MYLK: variants seen among roughly 807,000 people sequenced by gnomAD.
MYLK encodes the protein myosin light chain kinase, also known as myosin light chain kinase, smooth muscle.
MYLK carries 106 observed loss-of-function variants against 203.4 expected under a neutral mutation model. The ratio of observed to expected loss-of-function variants is 0.52; its 90% CI spans 0.45 to 0.61. The LOEUF is 0.61. MYLK is among the 20% of genes least tolerant of loss of function. MYLK has a pLI of 0.00. For synonymous variants in MYLK, 867 were observed against 959.5 expected (o/e 0.90, Z 1.78); for missense variants, 2,072 against 2,442.3 (o/e 0.85, Z 3.20).
At chr3:123,693,935 T>C (rs1263965106) in intron 18 of MYLK, among the ~76,000 whole-genome samples, 3 of 152,204 alleles carry the variant, frequency 2.0e-5, no homozygotes, top group African/African-American at 7.2e-5. Context: ...CTTTGCTGCC[T>C]GGAGCTCCCA....
intron 2 of MYLK, among the ~76,000 whole-genome samples, chr3:123,876,202 C>A (rs1057364432): frequency 3.3e-5 from 5 of 151,500 alleles, no homozygotes; most frequent in Admixed American, 1.3e-4. Flanking sequence ...TTTAAAAAAA[C>A]TATACATTAT....
intron 4 of MYLK, among the ~76,000 whole-genome samples, chr3:123,760,885 C>T (rs558947975): frequency 6.6e-6 from 1 of 152,188 alleles, no homozygotes; most frequent in Non-Finnish European, 1.5e-5. Context: ...CATTTTAAAA[C>T]AAATATCCAG....
At chr3:123,626,719 C>T in intron 31 of MYLK, 99 bp downstream of exon 31, 1 of 1,574,394 alleles carries the variant, frequency 6.4e-7, no homozygotes, top group Non-Finnish European at 8.7e-7. Context: ...TAAATTTAAA[C>T]TTTCTTGGTG....
intron 2 of MYLK, among the ~76,000 whole-genome samples, chr3:123,833,943 CAACACTGGAAAATTGTCCACTG>C (rs1344746630): frequency 6.6e-6 from 1 of 152,184 alleles, no homozygotes; most frequent in African/African-American, 2.4e-5. Flanking sequence ...GAGGACTGAA[CAACACTGGAAAATTGTCCACTG>C]AACAATGGAC....
intron 20 of MYLK, among the ~76,000 whole-genome samples, chr3:123,670,160 T>G (rs2059870283): frequency 6.6e-6 from 1 of 152,140 alleles, no homozygotes; most frequent in African/African-American, 2.4e-5. Flanking sequence ...TCAAATTATT[T>G]CAAGATAAAA....
At position 123,664,179 on chromosome 3, in the gene MYLK, T is replaced by A. The variant is rs748330354; in HGVS notation, c.3911A>T (p.His1304Leu). The change falls in exon 23 of 34, where the codon CAC becomes CTC. Residue 1304 changes from histidine to leucine, a missense_variant. Coordinates refer to ENST00000360304, the MANE Select transcript of MYLK (RefSeq NM_053025.4). ...CACCAGCAGTGTGTAGCAGCCGCAG[T>A]GCTCCTGGCGCGCGGCCAGGATGGT... ...KLTILAARQE[H>L]CGCYTLLVEN... is the part of the protein sequence containing the mutation. 12 of 1,614,046 alleles carry A rather than the reference T, an allele frequency of 7.4e-6. No individual in the cohort carries two copies. The Admixed American group carries it at 2.0e-4, about 27-fold the overall frequency.
At chr3:123,681,236 T>C (rs1310166579) in intron 20 of MYLK, 3 of 152,156 alleles carry the variant, frequency 2.0e-5, no homozygotes, top group Non-Finnish European at 4.4e-5. Flanking sequence ...CTAATGGATG[T>C]GTGGGCTACG....
At position 123,725,938 on chromosome 3, in the gene MYLK, A is replaced by T. The variant is rs820329; in HGVS notation, c.1651+6T>A. 0.21 allele frequency: 334,980 copies of T among 1,613,104 alleles called. 38,752 individuals carry two copies. The highest frequency in any genetic ancestry group is 0.24 in the Non-Finnish European group (283,098 of 1,179,280). On this transcript the variant is annotated splice_donor_region_variant and intron_variant, in intron 12 of 33. Coordinates refer to ENST00000360304, the MANE Select transcript of MYLK (RefSeq NM_053025.4). The stretch of plus-strand genomic sequence containing the variant: ...GGAGCAGAGAGCTGGGGCAGGGGGA[A>T]CTCACCATTCAGCAGCCAAGTGATC...
intron 4 of MYLK, among the ~76,000 whole-genome samples, chr3:123,780,978 G>A (rs185694578): frequency 6.6e-6 from 1 of 152,294 alleles, no homozygotes; most frequent in East Asian, 1.9e-4. Context: ...AAAGTGGGAT[G>A]GGCTCCCTGG....
At chr3:123,805,176 G>A (rs62262911) in intron 3 of MYLK, among the ~76,000 whole-genome samples, 5,738 of 152,214 alleles carry the variant, frequency 0.038, 155 homozygotes, top group Non-Finnish European at 0.061. Context: ...ATCCTTCCCC[G>A]TGTGACACAG....
chr3:123,744,217 T>C (rs1323521190), intron 5 of MYLK, among the ~76,000 whole-genome samples: 1 of 152,234 alleles, frequency 6.6e-6, no homozygotes, highest in East Asian at 1.9e-4. Context: ...AAGTGAATTA[T>C]AAAAATATGG....
chr3:123,780,293 G>T (rs553572069), intron 4 of MYLK, among the ~76,000 whole-genome samples: 1 of 152,122 alleles, frequency 6.6e-6, no homozygotes, highest in East Asian at 1.9e-4. Context: ...AATTAGCCCG[G>T]CATGGTGGCA....
chr3:123,870,530 C>A (rs185676643), intron 2 of MYLK, among the ~76,000 whole-genome samples: 1 of 152,344 alleles, frequency 6.6e-6, no homozygotes, highest in East Asian at 1.9e-4. Context: ...GAAACAAAGA[C>A]AGGGCCAGCA....
At position 123,793,706 on chromosome 3, in the gene MYLK, C is replaced by G. The variant is rs781555652; in HGVS notation, c.136G>C (p.Glu46Gln). ...ILPPRNLCIK[E>Q]GATAKFEGRV... ...CCTTCGAACTTGGCGGTGGCTCCTT[C>G]TTTGATGCAGAGGTTCCGAGGGGGC... Residue 46 changes from glutamate to glutamine, a missense_variant, in exon 4 of 34, where the codon GAA becomes CAA. Glu to Gln is a conservative substitution (Grantham distance 29, BLOSUM62 2). Transcript: ENST00000360304. The G allele has an allele frequency of 1.2e-6, 2 of 1,614,150 alleles. No individual in the cohort carries two copies. Among genetic ancestry groups the G allele is most frequent in the South Asian group, 2.2e-5 (2 of 91,074 alleles).
At chr3:123,687,090 C>T (rs976737112) in intron 19 of MYLK, among the ~76,000 whole-genome samples, 3 of 152,032 alleles carry the variant, frequency 2.0e-5, no homozygotes, top group Non-Finnish European at 4.4e-5. Context: ...GGCGTGTTGG[C>T]GGGTGCCTGT....
At chr3:123,783,702 T>G (rs551514834) in intron 4 of MYLK, among the ~76,000 whole-genome samples, 2 of 151,878 alleles carry the variant, frequency 1.3e-5, no homozygotes, top group African/African-American at 2.4e-5. Context: ...ATAAAATGGC[T>G]AAAGGTTTCT....
At chr3:123,656,016 ATC>A (rs1400091762) in intron 24 of MYLK, among the ~76,000 whole-genome samples, 1 of 152,210 alleles carries the variant, frequency 6.6e-6, no homozygotes, top group African/African-American at 2.4e-5. Context: ...GCAAAAAGTC[ATC>A]AAGTATGGTC....
intron 24 of MYLK, among the ~76,000 whole-genome samples, chr3:123,655,009 C>G (rs979335067): frequency 1.6e-4 from 24 of 152,280 alleles, no homozygotes; most frequent in Non-Finnish European, 2.8e-4. Context: ...TGAGCCACCA[C>G]GCCCGGCCTC....
chr3:123,739,545 A>G lies in MYLK; in HGVS notation c.422+408T>C, dbSNP rs537398774. Among the ~76,000 whole-genome samples the G allele has an allele frequency of 3.3e-5, 5 of 152,330 alleles. No homozygotes were observed. The East Asian group carries it at 9.7e-4, about 29-fold the overall frequency. ...GAAGATAATGTGGAAGGCTCTCCCC[A>G]TGTTCCAGGATATCTGAACTGAACT... On this transcript the variant is annotated intron_variant, in intron 6 of 33. Transcript: ENST00000360304.
Sources: gnomAD v4.1 joint callset for allele counts (sites outside exome capture counted in the v4.1 genomes callset) on GRCh38, gnomAD v4.1.1 for gene constraint, MANE v1.5 for transcripts, NCBI Gene and HGNC (gene_info 2026-07-23, HGNC 2026-07-21) for gene names.